WDFY4: variants seen among roughly 807,000 people sequenced by gnomAD.
WDFY4 encodes the protein WDFY family member 4.
Under a neutral mutation model 351.9 loss-of-function variants are expected in WDFY4, and 169 were observed. The observed-to-expected ratio is 0.48, with a 90% confidence interval of 0.42 to 0.55. The LOEUF (loss-of-function observed/expected upper bound fraction) is 0.55. WDFY4 is among the 20% of genes least tolerant of loss of function. The pLI, the probability that WDFY4 is intolerant of heterozygous loss-of-function variation, is 0.00. For synonymous variants in WDFY4, 1,622 were observed against 1,574.6 expected (o/e 1.03, Z -0.71); for missense variants, 3,803 against 3,935.6 (o/e 0.97, Z 0.90).
Position 48,976,975 on chromosome 10 carries a change from T to C in WDFY4, c.9287T>C (p.Val3096Ala). The C allele has an allele frequency of 6.9e-7, 1 of 1,454,560 alleles. No homozygotes were observed. The allele number at this position is 1,454,560 out of a possible 1,614,324, so 90.1% of individuals were successfully genotyped here. ...IIITGSQDGM[V>A]RVWKTEDVKM... Reference sequence around the variant, plus strand: ...ATCACCGGGAGTCAAGACGGCATGGTCCGGGTAGGTGTGTCTTGGGCAGAA... The same window carrying C: ...ATCACCGGGAGTCAAGACGGCATGGCCCGGGTAGGTGTGTCTTGGGCAGAA... The change falls in exon 59 of 62, where the codon GTC becomes GCC. Residue 3096 changes from valine (V) to alanine (A), a missense_variant. By Grantham distance (64) the Val-to-Ala change is moderately conservative. This residue lies in a region of WDFY4 where 3,054 missense variants were observed against 3,148.6 expected (regional missense o/e 0.97). Coordinates refer to ENST00000325239, the MANE Select transcript of WDFY4 (RefSeq NM_001394531.1).
chr10:48,930,077 G>A (rs2663062), intron 47 of WDFY4, among the ~76,000 whole-genome samples: 1 of 151,884 alleles, frequency 6.6e-6, no homozygotes, highest in Non-Finnish European at 1.5e-5. Context: ...GTCCATTTCA[G>A]TTCCTAGCAC....
chr10:48,912,343 T>C (rs549391222), intron 47 of WDFY4, among the ~76,000 whole-genome samples: 2 of 152,334 alleles, frequency 1.3e-5, no homozygotes, highest in East Asian at 1.9e-4. Flanking sequence ...TGGAGTTCAG[T>C]GTGGCATTAT....
chr10:48,795,491 G>GTATATATA lies in WDFY4; in HGVS notation c.4258-782_4258-775dup, dbSNP rs60705301. On this transcript the variant is annotated intron_variant, in intron 23 of 61. Coordinates refer to ENST00000325239, the MANE Select transcript of WDFY4 (RefSeq NM_001394531.1). The stretch of plus-strand genomic sequence containing the variant: ...TGGGATTTCATATATGTGTGTGTCT[G>GTATATATA]TATATATATATATATATATATATAT... Among the ~76,000 whole-genome samples, 165 of 101,162 alleles carry GTATATATA rather than the reference G, an allele frequency of 1.6e-3. 1 individual carries two copies. Among genetic ancestry groups the GTATATATA allele is most frequent in the African/African-American group, 3.1e-3 (69 of 21,994 alleles). 66.4% of individuals were successfully genotyped at this position (101,162 alleles called of 152,430 possible). A position where few individuals can be genotyped will look rare whatever the true frequency, so the allele number is the denominator to read the frequency against.
intron 2 of WDFY4, among the ~76,000 whole-genome samples, chr10:48,711,790 G>C (rs1186717555): frequency 1.3e-5 from 2 of 152,142 alleles, no homozygotes; most frequent in African/African-American, 4.8e-5. Context: ...TTGGCCTGCA[G>C]GGGTTCAGAA....
intron 1 of WDFY4, among the ~76,000 whole-genome samples, chr10:48,693,800 T>A (rs1209753955): frequency 3.9e-5 from 6 of 152,208 alleles, no homozygotes; most frequent in African/African-American, 1.4e-4. Flanking sequence ...GGAGCCAAGC[T>A]GTATCTGAAA....
chr10:48,874,685 C>T (rs1376404014), intron 41 of WDFY4, among the ~76,000 whole-genome samples: 1 of 152,180 alleles, frequency 6.6e-6, no homozygotes, highest in Non-Finnish European at 1.5e-5. Flanking sequence ...AAGTAGCCTG[C>T]TCACTGTGCT....
chr10:48,821,379 C>T (rs550760629), intron 34 of WDFY4, among the ~76,000 whole-genome samples: 1 of 152,340 alleles, frequency 6.6e-6, no homozygotes, highest in African/African-American at 2.4e-5. Context: ...TTCCATGACA[C>T]CCTTGTCATG....
chr10:48,750,047 A>G (rs893398066), intron 12 of WDFY4, among the ~76,000 whole-genome samples: 5 of 152,244 alleles, frequency 3.3e-5, no homozygotes, highest in Non-Finnish European at 5.9e-5. Flanking sequence ...GGCACTCTGC[A>G]GGCCAGAGCC....
chr10:48,709,698 T>C lies in WDFY4; in HGVS notation c.-17-18T>C, dbSNP rs751407339. 6.5e-7 allele frequency: 1 copy of C among 1,545,788 alleles called. No individual in the cohort carries two copies. The highest frequency in any genetic ancestry group is 1.2e-5 in the South Asian group (1 of 83,846). On this transcript the variant is annotated intron_variant, in intron 1 of 61. Coordinates refer to ENST00000325239, the MANE Select transcript of WDFY4 (RefSeq NM_001394531.1). ...GTGATGTGACAGGAATGTTCACTTC[T>C]ATTTGTTCTGAATTCAGATCTGCTT...
At position 48,760,568 on chromosome 10, in the gene WDFY4, T is replaced by A. The variant is rs2065472533; in HGVS notation, c.2553+128T>A. 5.7e-6 allele frequency: 5 copies of A among 875,272 alleles called. No homozygotes were observed. In the South Asian group the frequency reaches 6.5e-5, roughly 11 times the overall value. The allele number at this position is 875,272 out of a possible 1,614,324, so 54.2% of individuals were successfully genotyped here. On this transcript the variant is annotated intron_variant, in intron 13 of 61. Coordinates refer to ENST00000325239, the MANE Select transcript of WDFY4 (RefSeq NM_001394531.1). ...TGCCCTGCGTTAGCAGAGCTCCCCATGGGAAACACCTATAGTGGGAAAGTA... is the reference window on the plus strand; with the variant it reads ...TGCCCTGCGTTAGCAGAGCTCCCCAAGGGAAACACCTATAGTGGGAAAGTA...
intron 1 of WDFY4, among the ~76,000 whole-genome samples, chr10:48,702,626 T>A (rs1167366806): frequency 6.6e-6 from 1 of 152,198 alleles, no homozygotes; most frequent in Non-Finnish European, 1.5e-5. Context: ...CTGAGTTCAT[T>A]TATTCATTCA....
At chr10:48,872,651 A>G (rs1340931966) in intron 40 of WDFY4, among the ~76,000 whole-genome samples, 1 of 152,242 alleles carries the variant, frequency 6.6e-6, no homozygotes, top group Non-Finnish European at 1.5e-5. Flanking sequence ...GTGCAAACTG[A>G]ACTGAACTGC....
chr10:48,813,992 G>GA lies in WDFY4; in HGVS notation c.5251dup (p.Arg1751LysfsTer36). The GA allele has an allele frequency of 1.9e-6, 3 of 1,550,438 alleles. No homozygotes were observed. Among genetic ancestry groups the GA allele is most frequent in the Non-Finnish European group, 2.6e-6 (3 of 1,146,290 alleles). On this transcript the variant is annotated frameshift_variant, in exon 31 of 62. Transcript: ENST00000325239. LOFTEE classifies it high-confidence loss of function. ...ATGCCATGCTTCAGTGGCTCCTGCA[G>GA]AGGCACCACCAGGAAGAAGTCCTCC...
intron 1 of WDFY4, among the ~76,000 whole-genome samples, chr10:48,690,564 A>G (rs2063165997): frequency 6.6e-6 from 1 of 152,132 alleles, no homozygotes; most frequent in Admixed American, 6.5e-5. Context: ...GCTTCTCTCT[A>G]TAGGCAGGTT....
chr10:48,883,229 TC>T (rs1386411359), intron 43 of WDFY4, among the ~76,000 whole-genome samples: 3 of 152,216 alleles, frequency 2.0e-5, no homozygotes, highest in African/African-American at 7.2e-5. Flanking sequence ...CTACCTGCCC[TC>T]CTGCATGTGC....
chr10:48,718,382 T>C (rs1384991112), intron 2 of WDFY4, among the ~76,000 whole-genome samples: 1 of 152,238 alleles, frequency 6.6e-6, no homozygotes, highest in Admixed American at 6.5e-5. Flanking sequence ...ACAAGCATAA[T>C]GCTACAGCAA....
At chr10:48,776,470 T>C (rs1009291580) in intron 15 of WDFY4, among the ~76,000 whole-genome samples, 3 of 151,964 alleles carry the variant, frequency 2.0e-5, no homozygotes, top group African/African-American at 4.8e-5. Flanking sequence ...GAGACAGAGG[T>C]GGCAGCAGTA....
intron 53 of WDFY4, among the ~76,000 whole-genome samples, chr10:48,961,693 G>A (rs1348812409): frequency 6.6e-6 from 1 of 152,224 alleles, no homozygotes; most frequent in Non-Finnish European, 1.5e-5. Context: ...AGATCTTGGA[G>A]AAGAAGGGAA....
At chr10:48,954,122 TTTAA>T (rs1280208921) in intron 51 of WDFY4, among the ~76,000 whole-genome samples, 16 of 152,338 alleles carry the variant, frequency 1.1e-4, no homozygotes, top group African/African-American at 3.4e-4. Context: ...CCTAAAGGAT[TTTAA>T]TTGAGAAGAG....
Sources: gnomAD v4.1 joint callset for allele counts (sites outside exome capture counted in the v4.1 genomes callset) on GRCh38, gnomAD v4.1.1 for gene constraint, gnomAD v4.1.1 regional missense constraint, MANE v1.5 for transcripts, NCBI Gene and HGNC (gene_info 2026-07-23, HGNC 2026-07-21) for gene names.